Variants in CDC20B observed in about 807,000 individuals in gnomAD.
The protein encoded by CDC20B is cell division cycle 20B.
Under a neutral mutation model 64.1 loss-of-function variants are expected in CDC20B, and 58 were observed. The ratio of observed to expected loss-of-function variants is 0.90; its 90% CI spans 0.73 to 1.13. The LOEUF (loss-of-function observed/expected upper bound fraction) is 1.13. Ranked by LOEUF, CDC20B falls within the 50% of genes most tolerant of loss-of-function variation. CDC20B has a pLI of 0.00. For synonymous variants in CDC20B, 243 were observed against 230.6 expected (o/e 1.05, Z -0.49); for missense variants, 597 against 633.0 (o/e 0.94, Z 0.61).
intron 2 of CDC20B, among the ~76,000 whole-genome samples, chr5:55,157,259 C>T (rs1352486274): frequency 6.6e-6 from 1 of 152,084 alleles, no homozygotes; most frequent in African/African-American, 2.4e-5. Context: ...TTAGTATAGA[C>T]AGAACATGAA....
chr5:55,122,255 A>T (rs1742774746), intron 9 of CDC20B, among the ~76,000 whole-genome samples: 2 of 145,070 alleles, frequency 1.4e-5, no homozygotes, highest in African/African-American at 5.1e-5. Context: ...TAAATTAAAC[A>T]ATTTGGAAGT....
chr5:55,127,969 A>G (rs1742935658), intron 7 of CDC20B, among the ~76,000 whole-genome samples: 1 of 152,188 alleles, frequency 6.6e-6, no homozygotes, highest in South Asian at 2.1e-4. Flanking sequence ...TTGGTAATAA[A>G]CAATAATAAT....
Position 55,119,812 on chromosome 5 carries a change from C to A in CDC20B, c.1448G>T (p.Gly483Val). The A allele has an allele frequency of 6.2e-7, 1 of 1,613,268 alleles. No individual in the cohort carries two copies. The highest frequency in any genetic ancestry group is 8.5e-7 in the Non-Finnish European group (1 of 1,179,312). Reference sequence around the variant, plus strand: ...ACCCATTTGCTTACCAAAAAACCCACCTGACCTGGACACAGTGGGACAGGT... The same window carrying A: ...ACCCATTTGCTTACCAAAAAACCCAACTGACCTGGACACAGTGGGACAGGT... Reference protein sequence around the residue: ...VWTCPTVSRSGGFFGHRGRVL... With the variant: ...VWTCPTVSRSVGFFGHRGRVL... Residue 483 changes from glycine (G) to valine (V), a missense_variant, in exon 11 of 12, where the codon GGT (glycine) becomes GTT (valine). Physicochemically the swap from Gly to Val is moderately radical, Grantham distance 109 (BLOSUM62 -3). This residue lies in a region of CDC20B where 353 missense variants were observed against 397.0 expected (regional missense o/e 0.89). Coordinates refer to ENST00000381375, the MANE Select transcript of CDC20B (RefSeq NM_001170402.1).
At chr5:55,150,452 C>T (rs562068667) in intron 2 of CDC20B, among the ~76,000 whole-genome samples, 3 of 152,302 alleles carry the variant, frequency 2.0e-5, no homozygotes, top group African/African-American at 7.2e-5. Context: ...GGGGCGAGGC[C>T]GGCTCTCTCT....
chr5:55,158,369 A>G (rs1046500599), intron 2 of CDC20B, among the ~76,000 whole-genome samples: 1 of 152,240 alleles, frequency 6.6e-6, no homozygotes, highest in African/African-American at 2.4e-5. Flanking sequence ...AACACATCTT[A>G]CATACATTTT....
intron 8 of CDC20B, among the ~76,000 whole-genome samples, chr5:55,125,936 T>C (rs2111817522): frequency 6.6e-6 from 1 of 152,362 alleles, no homozygotes; most frequent in Admixed American, 6.5e-5. Flanking sequence ...CACCTTATCA[T>C]GTTACTGCAG....
At chr5:55,160,673 A>T (rs982104720) in intron 2 of CDC20B, 1 of 459,662 alleles carries the variant, frequency 2.2e-6, no homozygotes, top group African/African-American at 2.0e-5. Flanking sequence ...TGTGAACATG[A>T]TGACATTTAT....
At chr5:55,169,771 A>G (rs1744528280) in intron 2 of CDC20B, among the ~76,000 whole-genome samples, 1 of 152,236 alleles carries the variant, frequency 6.6e-6, no homozygotes, top group Non-Finnish European at 1.5e-5. Flanking sequence ...CAGTTGGTAC[A>G]CACACAGTCA....
At chr5:55,140,290 A>G (rs778933821) in intron 5 of CDC20B, 24 bp downstream of exon 5, 2 of 1,462,930 alleles carry the variant, frequency 1.4e-6, no homozygotes, top group Non-Finnish European at 1.9e-6. Context: ...CGCAGGAAAG[A>G]AGGACAATGT....
chr5:55,154,518 CAAGAAAA>C (rs772402351), intron 2 of CDC20B, among the ~76,000 whole-genome samples: 1 of 151,150 alleles, frequency 6.6e-6, no homozygotes, highest in Non-Finnish European at 1.5e-5. Flanking sequence ...CCGTGTCTCC[CAAGAAAA>C]AAGAAAAAAG....
chr5:55,158,642 T>G (rs1743885898), intron 2 of CDC20B, among the ~76,000 whole-genome samples: 1 of 152,138 alleles, frequency 6.6e-6, no homozygotes, highest in African/African-American at 2.4e-5. Flanking sequence ...TCCACAAACA[T>G]CTCAGCTCAT....
chr5:55,117,254 T>A (rs1342298865), intron 11 of CDC20B, among the ~76,000 whole-genome samples: 4 of 152,042 alleles, frequency 2.6e-5, no homozygotes, highest in East Asian at 1.9e-4. Context: ...AACTGAAATT[T>A]TCCCCCCAAA....
At chr5:55,161,245 A>G (rs1744044085) in intron 2 of CDC20B, 4 of 1,613,218 alleles carry the variant, frequency 2.5e-6, no homozygotes, top group African/African-American at 1.3e-5. Context: ...CTGCATTTAG[A>G]TTTCTTGTTG....
chr5:55,169,906 G>A (rs1294472828), intron 2 of CDC20B, among the ~76,000 whole-genome samples: 1 of 152,194 alleles, frequency 6.6e-6, no homozygotes. Flanking sequence ...GAGGTCAGGA[G>A]ATCGAGACCA....
At chr5:55,160,906 C>T in intron 2 of CDC20B, 1 of 1,365,008 alleles carries the variant, frequency 7.3e-7, no homozygotes, top group African/African-American at 1.5e-5. Flanking sequence ...ATAGTCCCCC[C>T]CAAATTGTTT....
chr5:55,168,895 G>T (rs1167425733), intron 2 of CDC20B, among the ~76,000 whole-genome samples: 1 of 152,058 alleles, frequency 6.6e-6, no homozygotes, highest in South Asian at 2.1e-4. Flanking sequence ...TGGGTGATAG[G>T]TTCACTAGAA....
At chr5:55,161,359 A>G (rs975945493) in intron 2 of CDC20B, 10 of 1,141,904 alleles carry the variant, frequency 8.8e-6, no homozygotes, top group Middle Eastern at 2.6e-4. Flanking sequence ...GTATCGGGAA[A>G]GCTTCATAAA....
At chr5:55,115,118 C>A (rs1398189986) in intron 11 of CDC20B, among the ~76,000 whole-genome samples, 1 of 152,118 alleles carries the variant, frequency 6.6e-6, no homozygotes, top group Non-Finnish European at 1.5e-5. Context: ...TAAACTGAAG[C>A]AGCTTAATGA....
intron 2 of CDC20B, among the ~76,000 whole-genome samples, chr5:55,154,141 G>A (rs1404654435): frequency 2.0e-5 from 3 of 152,186 alleles, no homozygotes; most frequent in South Asian, 4.1e-4. Flanking sequence ...CACAGTGACA[G>A]GGGTCAAGGT....
Sources: allele counts gnomAD v4.1 joint callset (sites outside exome capture counted in the v4.1 genomes callset), GRCh38; gene constraint gnomAD v4.1.1; regional missense constraint gnomAD v4.1.1; transcripts MANE v1.5; gene names NCBI Gene and HGNC (gene_info 2026-07-23, HGNC 2026-07-21).